Variants in TET2 observed in about 807,000 individuals in gnomAD.
TET2 encodes tet methylcytosine dioxygenase 2.
TET2 carries 299 observed loss-of-function variants against 142.9 expected under a neutral mutation model. The ratio of observed to expected loss-of-function variants is 2.09; its 90% confidence interval spans 1.90 to 2.30. The LOEUF (loss-of-function observed/expected upper bound fraction) is 2.30, where lower values mean the gene tolerates loss of function less well. Among genes scored for constraint, TET2 ranks in the 30% most tolerant of loss-of-function variants. The pLI is 0.00. For synonymous variants in TET2, 819 were observed against 849.0 expected (o/e 0.96, Z 0.61); for missense variants, 2,418 against 2,378.0 (o/e 1.02, Z -0.35).
Position 105,259,715 on chromosome 4 carries a change from T to G in TET2, c.3900T>G (p.Phe1300Leu). The change falls in exon 7 of 11, where the codon TTT (phenylalanine) becomes TTG (leucine). Residue 1300 changes from phenylalanine to leucine, a missense_variant. By Grantham distance (22) the Phe-to-Leu change is conservative. Coordinates refer to ENST00000380013, the MANE Select transcript of TET2 (RefSeq NM_001127208.3). ...GCATGTACTACAATGGATGTAAGTT[T>G]GCCAGAAGCAAGATCCCAAGGAAGT... is the stretch of plus-strand genomic sequence containing the variant. Reference protein sequence around the residue: ...SWSMYYNGCKFARSKIPRKFK... With the variant: ...SWSMYYNGCKLARSKIPRKFK... 1 of 1,551,146 alleles carries G rather than the reference T, an allele frequency of 6.4e-7. No individual in the cohort carries two copies. Among genetic ancestry groups the G allele is most frequent in the Non-Finnish European group, 8.7e-7 (1 of 1,146,576 alleles).
At chr4:105,184,987 C>A (rs1725341589) in intron 1 of TET2, among the ~76,000 whole-genome samples, 1 of 152,150 alleles carries the variant, frequency 6.6e-6, no homozygotes, top group East Asian at 1.9e-4. Flanking sequence ...GGACTAAATT[C>A]AGCATGATAA....
chr4:105,162,905 TAAAG>T (rs1723931130), intron 1 of TET2, among the ~76,000 whole-genome samples: 1 of 152,072 alleles, frequency 6.6e-6, no homozygotes, highest in Non-Finnish European at 1.5e-5. Context: ...AGATTAATGA[TAAAG>T]AGAAAGAAAA....
intron 2 of TET2, among the ~76,000 whole-genome samples, chr4:105,232,370 G>T (rs1728560011): frequency 6.6e-6 from 1 of 152,096 alleles, no homozygotes; most frequent in Non-Finnish European, 1.5e-5. Flanking sequence ...ATATCCCTTT[G>T]GGTAATATGC....
rs1728783486 is a variant in TET2, at chr4:105,235,274, A to G, written c.1332A>G (p.Thr444=). Residue 444 remains threonine (T), a synonymous_variant, in exon 3 of 11, where the codon ACA becomes ACG. Coordinates refer to ENST00000380013, the MANE Select transcript of TET2 (RefSeq NM_001127208.3). ...ACTACCCCAACCAAAGTAACACAACACTTTTAAGGGAAGTGAAAATAGAGG... is the reference window on the plus strand; with the variant it reads ...ACTACCCCAACCAAAGTAACACAACGCTTTTAAGGGAAGTGAAAATAGAGG... ...HHHYPNQSNT[T]LLREVKIEGK... 1.9e-6 allele frequency: 3 copies of G among 1,613,950 alleles called. No homozygotes were observed. The highest frequency in any genetic ancestry group is 8.5e-7 in the Non-Finnish European group (1 of 1,180,000).
chr4:105,255,020 G>A (rs1022043233), intron 6 of TET2, among the ~76,000 whole-genome samples: 1 of 152,134 alleles, frequency 6.6e-6, no homozygotes, highest in Non-Finnish European at 1.5e-5. Flanking sequence ...CTGCTTCCTT[G>A]GTTGTGAGGG....
At position 105,261,751 on chromosome 4, in the gene TET2, T is replaced by C; in HGVS notation, c.3955-8T>C. ...AATTTAATATGTAGAATTATTCACT[T>C]TATACAGGAAGAGAAACTGGAGTCT... On this transcript the variant is annotated splice_region_variant and splice_polypyrimidine_tract_variant and intron_variant, in intron 7 of 10. Transcript: ENST00000380013. The C allele has an allele frequency of 6.6e-7, 1 of 1,518,462 alleles. No individual in the cohort carries two copies. The highest frequency in any genetic ancestry group is 8.9e-7 in the Non-Finnish European group (1 of 1,118,922). 94.1% of individuals were successfully genotyped at this position (1,518,462 alleles called of 1,614,324 possible). A position where few individuals can be genotyped will look rare whatever the true frequency, so the allele number is the denominator to read the frequency against.
chr4:105,187,323 A>T (rs892376032), intron 1 of TET2, among the ~76,000 whole-genome samples: 2 of 152,220 alleles, frequency 1.3e-5, no homozygotes, highest in Non-Finnish European at 2.9e-5. Flanking sequence ...TTGGTTTGTC[A>T]GTTGCTGAAC....
chr4:105,222,872 C>T (rs1290792855), intron 2 of TET2, among the ~76,000 whole-genome samples: 1,243 of 123,174 alleles, frequency 0.01, no homozygotes, highest in South Asian at 0.013. Flanking sequence ...GTCTTTAATC[C>T]ATCTTGAATT....
At chr4:105,207,314 A>G (rs963236758) in intron 2 of TET2, among the ~76,000 whole-genome samples, 18 of 152,232 alleles carry the variant, frequency 1.2e-4, no homozygotes, top group African/African-American at 4.1e-4. Context: ...AACCTTAAGC[A>G]TGAGAACTCT....
intron 1 of TET2, among the ~76,000 whole-genome samples, chr4:105,185,396 A>C (rs1000443548): frequency 1.3e-5 from 2 of 152,350 alleles, no homozygotes; most frequent in Admixed American, 1.3e-4. Context: ...GATGACTTAG[A>C]ATCCATTCAA....
At chr4:105,183,742 A>T (rs2110459652) in intron 1 of TET2, among the ~76,000 whole-genome samples, 1 of 152,344 alleles carries the variant, frequency 6.6e-6, no homozygotes, top group Middle Eastern at 3.4e-3. Context: ...AGCTCCCAAT[A>T]GAATTATTGC....
Position 105,235,397 on chromosome 4 carries a change from G to C in TET2, c.1455G>C (p.Val485=), listed in dbSNP as rs1478770235. ...MLSERPQNNC[V]NRNDIQTAGT... ...CTGAAAGGCCTCAGAATAATTGTGT[G>C]AACAGGAATGACATACAGACTGCAG... Residue 485 remains valine, a synonymous_variant, in exon 3 of 11, where the codon GTG becomes GTC. Coordinates refer to ENST00000380013, the MANE Select transcript of TET2 (RefSeq NM_001127208.3). 6.2e-7 allele frequency: 1 copy of C among 1,614,048 alleles called. No individual in the cohort carries two copies. Among genetic ancestry groups the C allele is most frequent in the African/African-American group, 1.3e-5 (1 of 74,930 alleles).
At chr4:105,180,631 G>T (rs1459479428) in intron 1 of TET2, among the ~76,000 whole-genome samples, 2 of 147,742 alleles carry the variant, frequency 1.4e-5, no homozygotes, top group Non-Finnish European at 3.0e-5. Context: ...AATTGATATT[G>T]CCATTTTATC....
At chr4:105,266,841 A>T (rs1241275825) in intron 8 of TET2, among the ~76,000 whole-genome samples, 3 of 151,940 alleles carry the variant, frequency 2.0e-5, no homozygotes, top group Non-Finnish European at 2.9e-5. Flanking sequence ...CAATGGCCAA[A>T]TTTTTTTCAG....
intron 2 of TET2, among the ~76,000 whole-genome samples, chr4:105,207,857 G>A (rs188728447): frequency 6.6e-6 from 1 of 152,122 alleles, no homozygotes; most frequent in Non-Finnish European, 1.5e-5. Flanking sequence ...AGGGAAGAAA[G>A]AATTAAACAT....
chr4:105,190,114 G>A (rs73836048), intron 1 of TET2, among the ~76,000 whole-genome samples: 8,556 of 152,142 alleles, frequency 0.056, 667 homozygotes, highest in African/African-American at 0.17. Context: ...TGATTATTGC[G>A]GTGAAGATGT....
Position 105,243,044 on chromosome 4 carries a change from A to G in TET2, c.3594+117A>G, listed in dbSNP as rs576546810. On this transcript the variant is annotated intron_variant, in intron 5 of 10. Transcript: ENST00000380013. ...ACTCATGCCAGTTAAAAAGAACATTACCTGTATTTTTTATCATGTGTTATC... is the reference window on the plus strand; with the variant it reads ...ACTCATGCCAGTTAAAAAGAACATTGCCTGTATTTTTTATCATGTGTTATC... 35 of 802,082 alleles carry G rather than the reference A, an allele frequency of 4.4e-5. No individual in the cohort carries two copies. In the African/African-American group the frequency reaches 5.8e-4, roughly 13 times the overall value. 49.7% of individuals were successfully genotyped at this position (802,082 alleles called of 1,614,324 possible).
intron 6 of TET2, among the ~76,000 whole-genome samples, chr4:105,244,538 G>A (rs1161437555): frequency 1.4e-5 from 2 of 141,104 alleles, no homozygotes; most frequent in African/African-American, 2.7e-5. Context: ...TGATAATCCT[G>A]TATAACACTA....
At chr4:105,203,286 C>A (rs1026997618) in intron 2 of TET2, among the ~76,000 whole-genome samples, 2 of 152,082 alleles carry the variant, frequency 1.3e-5, no homozygotes, top group African/African-American at 4.8e-5. Flanking sequence ...TCATATTTGG[C>A]CTATATAATT....
Sources: gnomAD v4.1 joint callset for allele counts (sites outside exome capture counted in the v4.1 genomes callset) on GRCh38, gnomAD v4.1.1 for gene constraint, MANE v1.5 for transcripts, NCBI Gene and HGNC (gene_info 2026-07-23, HGNC 2026-07-21) for gene names.